CORO1C: variants seen among roughly 807,000 people sequenced by gnomAD.
CORO1C encodes coronin-1C.
In CORO1C, 14 loss-of-function variants were observed where a neutral mutation model predicts 51.2. The observed-to-expected ratio is 0.27, with a 90% CI of 0.18 to 0.43. The LOEUF (loss-of-function observed/expected upper bound fraction) is 0.43, where lower values mean the gene tolerates loss of function less well. Ranked by LOEUF, CORO1C falls within the 20% of genes least tolerant of loss-of-function variation. The pLI, the probability that CORO1C is intolerant of heterozygous loss-of-function variation, is 1.00. For missense variants in CORO1C, 417 were observed against 607.8 expected (o/e 0.69, Z 3.30); for synonymous variants, 181 against 210.5 (o/e 0.86, Z 1.21).
At chr12:108,699,812 T>C (rs12368018) in intron 2 of CORO1C, among the ~76,000 whole-genome samples, 7,521 of 152,296 alleles carry the variant, frequency 0.049, 208 homozygotes, top group Middle Eastern at 0.068. Context: ...AAAAGATTCA[T>C]CTTCGCCAAT....
intron 3 of CORO1C, among the ~76,000 whole-genome samples, chr12:108,672,946 T>C (rs535151852): frequency 6.6e-6 from 1 of 152,322 alleles, no homozygotes; most frequent in East Asian, 1.9e-4. Context: ...CCTGTATTCC[T>C]GTCTCTTCCT....
At chr12:108,696,200 A>G (rs1168489209) in intron 2 of CORO1C, among the ~76,000 whole-genome samples, 1 of 152,182 alleles carries the variant, frequency 6.6e-6, no homozygotes, top group Non-Finnish European at 1.5e-5. Flanking sequence ...TATCATTCCA[A>G]TTCACCAAAG....
intron 1 of CORO1C, among the ~76,000 whole-genome samples, chr12:108,727,124 G>T (rs894937119): frequency 2.0e-5 from 3 of 152,238 alleles, no homozygotes; most frequent in Non-Finnish European, 4.4e-5. Flanking sequence ...ACCAAGCCAT[G>T]AACAAGAGAA....
At chr12:108,691,511 T>C (rs575865200) in intron 2 of CORO1C, among the ~76,000 whole-genome samples, 4 of 152,280 alleles carry the variant, frequency 2.6e-5, no homozygotes, top group East Asian at 3.9e-4. Flanking sequence ...CTGGCAGCAA[T>C]TGTCAGCCTG....
At chr12:108,680,463 G>A (rs1379606292) in intron 2 of CORO1C, among the ~76,000 whole-genome samples, 1 of 152,170 alleles carries the variant, frequency 6.6e-6, no homozygotes, top group African/African-American at 2.4e-5. Flanking sequence ...TCACAGGAAG[G>A]AGCCACACAG....
intron 5 of CORO1C, among the ~76,000 whole-genome samples, chr12:108,657,869 G>A (rs1055940199): frequency 2.6e-5 from 4 of 152,204 alleles, no homozygotes; most frequent in African/African-American, 9.7e-5. Flanking sequence ...GAATGCACTA[G>A]GACAACCCTT....
At chr12:108,678,179 C>T (rs2033977426) in intron 3 of CORO1C, 93 bp downstream of exon 3, 5 of 1,158,624 alleles carry the variant, frequency 4.3e-6, no homozygotes, top group Admixed American at 5.2e-5. Flanking sequence ...GCTTTTCAAG[C>T]CTCTATACAT....
intron 1 of CORO1C, among the ~76,000 whole-genome samples, chr12:108,713,848 G>A (rs760568743): frequency 4.6e-5 from 7 of 152,196 alleles, no homozygotes; most frequent in African/African-American, 7.2e-5. Flanking sequence ...TCTGTCCTGT[G>A]GGTGCTGCTT....
chr12:108,696,951 T>C (rs1411610382), intron 2 of CORO1C, among the ~76,000 whole-genome samples: 1 of 152,254 alleles, frequency 6.6e-6, no homozygotes, highest in Non-Finnish European at 1.5e-5. Context: ...AAAATAAGCA[T>C]ACATTCATTC....
chr12:108,728,589 C>T (rs769323171), intron 1 of CORO1C, among the ~76,000 whole-genome samples: 3 of 152,124 alleles, frequency 2.0e-5, no homozygotes, highest in Non-Finnish European at 4.4e-5. Context: ...AACGGGTGAA[C>T]TGTACAGTAT....
intron 1 of CORO1C, among the ~76,000 whole-genome samples, chr12:108,724,087 C>A (rs1229274123): frequency 2.0e-5 from 3 of 152,152 alleles, no homozygotes; most frequent in Admixed American, 6.5e-5. Flanking sequence ...ATCTAAAAAT[C>A]CTCCTAAAAA....
At chr12:108,718,400 G>A (rs972121557) in intron 1 of CORO1C, among the ~76,000 whole-genome samples, 4 of 151,672 alleles carry the variant, frequency 2.6e-5, no homozygotes, top group African/African-American at 7.3e-5. Flanking sequence ...AAATTAGTGG[G>A]GTGTGGTGGC....
At chr12:108,647,945 C>T (rs1160070455) in intron 10 of CORO1C, among the ~76,000 whole-genome samples, 1 of 101,270 alleles carries the variant, frequency 9.9e-6, no homozygotes, top group Non-Finnish European at 2.0e-5. Context: ...AGAGCTCCTG[C>T]CATCTGTGAG....
intron 3 of CORO1C, among the ~76,000 whole-genome samples, chr12:108,673,530 A>G (rs2033793848): frequency 6.6e-6 from 1 of 152,264 alleles, no homozygotes; most frequent in Non-Finnish European, 1.5e-5. Context: ...GAAGGTGGCT[A>G]CACTAAACAA....
intron 2 of CORO1C, chr12:108,696,347 C>T (rs1001498794): frequency 1.8e-4 from 27 of 151,618 alleles, no homozygotes; most frequent in African/African-American, 6.1e-4. Context: ...TTACCGATTC[C>T]TCCCCCTCTT....
chr12:108,654,510 C>A (rs577741690), intron 6 of CORO1C, 100 bp from the exon 7 acceptor site: 1 of 617,400 alleles, frequency 1.6e-6, no homozygotes, highest in South Asian at 2.6e-5. Context: ...CCCAATTAAG[C>A]GAGCCATTTT....
chr12:108,687,924 CT>C (rs200001763), intron 2 of CORO1C, among the ~76,000 whole-genome samples: 93 of 143,838 alleles, frequency 6.5e-4, no homozygotes, highest in Admixed American at 8.9e-4. Context: ...CCCTCTGACC[CT>C]TTTTTTTTTT....
In CORO1C at chr12:108,659,882, C is replaced by T. The variant is rs138791979; in HGVS notation, c.449-963G>A. 5.3e-5 allele frequency among the ~76,000 whole-genome samples: 8 copies of T among 152,332 alleles called. No homozygotes were observed. In the East Asian group the frequency reaches 1.5e-3, roughly 29 times the overall value. On this transcript the variant is annotated intron_variant, in intron 4 of 10. Transcript: ENST00000261401. ...AGCCCAAACTGTAATCAAGTAGCTA[C>T]ATAGATTCAGAAACGGATTCTGAAA...
chr12:108,724,062 G>A (rs1349986216), intron 1 of CORO1C, among the ~76,000 whole-genome samples: 1 of 152,140 alleles, frequency 6.6e-6, no homozygotes, highest in African/African-American at 2.4e-5. Context: ...GTATTTTCAA[G>A]TTTCCTAAAA....
Sources: allele counts gnomAD v4.1 joint callset (sites outside exome capture counted in the v4.1 genomes callset), GRCh38; gene constraint gnomAD v4.1.1; transcripts MANE v1.5; gene names NCBI Gene and HGNC (gene_info 2026-07-23, HGNC 2026-07-21).